The following EXOC4 variants were observed in gnomAD, a reference collection of about 807,000 sequenced individuals.
EXOC4 encodes exocyst complex component 4.
A neutral mutation model predicts 107.2 loss-of-function variants in EXOC4; 71 were observed. The observed-to-expected ratio is 0.66, with a 90% CI of 0.55 to 0.81. The LOEUF (loss-of-function observed/expected upper bound fraction) is 0.81. Among genes scored for constraint, EXOC4 ranks in the 30% least tolerant of loss-of-function variants. EXOC4 has a pLI of 0.00. For missense variants in EXOC4, 1,108 were observed against 1,189.6 expected (o/e 0.93, Z 1.01); for synonymous variants, 456 against 441.2 (o/e 1.03, Z -0.42).
intron 17 of EXOC4, among the ~76,000 whole-genome samples, chr7:134,053,143 C>G (rs935539804): frequency 8.6e-5 from 13 of 151,870 alleles, no homozygotes; most frequent in Admixed American, 3.3e-4. Flanking sequence ...CAGCCCTGCT[C>G]TAGAGAATGG....
At chr7:133,761,210 GC>G (rs1448307702) in intron 10 of EXOC4, among the ~76,000 whole-genome samples, 1 of 152,128 alleles carries the variant, frequency 6.6e-6, no homozygotes, top group Non-Finnish European at 1.5e-5. Context: ...AGCAGAAGAT[GC>G]CCTAAGGAGC....
chr7:133,267,519 C>T (rs1176404578), intron 1 of EXOC4, among the ~76,000 whole-genome samples: 1 of 152,148 alleles, frequency 6.6e-6, no homozygotes, highest in Non-Finnish European at 1.5e-5. Flanking sequence ...GAGAGGCCCT[C>T]CCTGGCCTCC....
intron 10 of EXOC4, among the ~76,000 whole-genome samples, chr7:133,722,357 A>G (rs1277342294): frequency 6.6e-6 from 1 of 152,212 alleles, no homozygotes; most frequent in East Asian, 1.9e-4. Flanking sequence ...TTACCTTTGC[A>G]TTTATCTAGA....
intron 9 of EXOC4, among the ~76,000 whole-genome samples, chr7:133,597,836 C>T (rs1213658807): frequency 1.3e-5 from 2 of 151,874 alleles, no homozygotes; most frequent in Non-Finnish European, 2.9e-5. Flanking sequence ...CATGATGAAA[C>T]CCCATCTCTA....
chr7:133,754,798 G>A (rs1403631305), intron 10 of EXOC4, among the ~76,000 whole-genome samples: 1 of 152,154 alleles, frequency 6.6e-6, no homozygotes, highest in Non-Finnish European at 1.5e-5. Flanking sequence ...GGGCTAAGAA[G>A]TATTACTTCT....
At chr7:133,981,591 A>G (rs926672900) in intron 14 of EXOC4, among the ~76,000 whole-genome samples, 3 of 152,176 alleles carry the variant, frequency 2.0e-5, no homozygotes, top group Admixed American at 6.5e-5. Flanking sequence ...TTAAAAAGTC[A>G]GAAAAATAAC....
intron 12 of EXOC4, among the ~76,000 whole-genome samples, chr7:133,898,543 A>AGACCATCCTG (rs71162038): frequency 0.62 from 93,024 of 150,934 alleles, 31,192 homozygotes; most frequent in African/African-American, 0.89. Flanking sequence ...CAGGAGATCG[A>AGACCATCCTG]GACCATCCTG....
chr7:133,545,012 G>T (rs1800453702), intron 9 of EXOC4, among the ~76,000 whole-genome samples: 1 of 151,754 alleles, frequency 6.6e-6, no homozygotes, highest in Non-Finnish European at 1.5e-5. Context: ...GTGTACGTAT[G>T]TATGTGTGTA....
At chr7:133,576,631 T>G in intron 9 of EXOC4, 8 of 1,289,746 alleles carry the variant, frequency 6.2e-6, no homozygotes, top group Non-Finnish European at 8.1e-6. Flanking sequence ...TAGCTATTGC[T>G]AAATGTGATC....
chr7:133,813,249 TAGAA>T (rs1328567904), intron 10 of EXOC4, among the ~76,000 whole-genome samples: 64 of 152,272 alleles, frequency 4.2e-4, no homozygotes, highest in South Asian at 2.1e-4. Flanking sequence ...AATATGGGAC[TAGAA>T]AGAAAGAAAA....
chr7:133,761,643 C>A (rs1796035091), intron 10 of EXOC4, among the ~76,000 whole-genome samples: 1 of 152,166 alleles, frequency 6.6e-6, no homozygotes, highest in African/African-American at 2.4e-5. Flanking sequence ...AAGAAGCATT[C>A]ACTGCTCTTC....
intron 10 of EXOC4, among the ~76,000 whole-genome samples, chr7:133,630,956 G>A (rs1352815790): frequency 6.6e-6 from 1 of 152,026 alleles, no homozygotes; most frequent in East Asian, 1.9e-4. Context: ...TAGATAAAAC[G>A]TTTCAGTTTA....
At chr7:133,822,179 C>T (rs558942461) in intron 11 of EXOC4, among the ~76,000 whole-genome samples, 31 of 152,298 alleles carry the variant, frequency 2.0e-4, no homozygotes, top group Non-Finnish European at 8.8e-5. Flanking sequence ...TTATTCATTT[C>T]TCCTGAGTCA....
At chr7:133,303,037 CAACAG>C (rs2150564377) in intron 3 of EXOC4, among the ~76,000 whole-genome samples, 1 of 152,350 alleles carries the variant, frequency 6.6e-6, no homozygotes, top group South Asian at 2.1e-4. Context: ...CTCCCCAGTA[CAACAG>C]AATTGACTGT....
At chr7:134,089,461 A>G in the EXOC4 span, among the ~76,000 whole-genome samples, 1 of 152,176 alleles carries the variant, frequency 6.6e-6, no homozygotes, top group Admixed American at 6.5e-5. Flanking sequence ...TTAATTATGT[A>G]CTAGTGTGGA....
At chr7:133,487,509 G>T (rs570056732) in intron 9 of EXOC4, among the ~76,000 whole-genome samples, 2 of 152,244 alleles carry the variant, frequency 1.3e-5, no homozygotes, top group South Asian at 4.1e-4. Context: ...AGTAGTTCGT[G>T]ACCAGCCTGA....
rs929512983 is a variant in EXOC4, at chr7:133,640,976, C to T, written c.1514+10835C>T. ...ACACTGCAGAATGCCTGGGCTCAAG[C>T]GATCCTCCCACCTTAGCCTCCATAC... is the stretch of plus-strand genomic sequence containing the variant. On this transcript the variant is annotated intron_variant, in intron 10 of 17. Transcript: ENST00000253861. 1.3e-4 allele frequency among the ~76,000 whole-genome samples: 19 copies of T among 151,846 alleles called. 1 individual carries two copies.
At chr7:133,794,157 G>A (rs984988174) in intron 10 of EXOC4, among the ~76,000 whole-genome samples, 1 of 152,108 alleles carries the variant, frequency 6.6e-6, no homozygotes, top group Non-Finnish European at 1.5e-5. Context: ...GGCTTTTTTG[G>A]TACCCTTTCC....
chr7:133,725,612 G>A (rs776972094), intron 10 of EXOC4, among the ~76,000 whole-genome samples: 18 of 152,130 alleles, frequency 1.2e-4, no homozygotes, highest in Non-Finnish European at 2.4e-4. Flanking sequence ...CAGACCTCAG[G>A]TTATCCAGCC....
Sources: gnomAD v4.1 joint callset for allele counts (sites outside exome capture counted in the v4.1 genomes callset) on GRCh38, gnomAD v4.1.1 for gene constraint, MANE v1.5 for transcripts, NCBI Gene and HGNC (gene_info 2026-07-23, HGNC 2026-07-21) for gene names.